DCC: variants seen among roughly 807,000 people sequenced by gnomAD.
DCC encodes the protein netrin receptor DCC.
Under a neutral mutation model 172.5 loss-of-function variants are expected in DCC, and 58 were observed. The observed-to-expected ratio is 0.34, with a 90% CI of 0.27 to 0.42. The LOEUF is 0.42. DCC is among the 10% of genes least tolerant of loss of function. DCC has a pLI of 1.00. For synonymous variants in DCC, 709 were observed against 644.5 expected, an observed-to-expected ratio of 1.10 and a Z score of -1.52; for missense variants, 1,740 against 1,791.0, an observed-to-expected ratio of 0.97 and a Z score of 0.51.
intron 7 of DCC, among the ~76,000 whole-genome samples, chr18:53,072,160 T>A (rs1267686674): frequency 1.3e-5 from 2 of 152,050 alleles, no homozygotes; most frequent in Admixed American, 6.6e-5. Flanking sequence ...ATGTGTTCTG[T>A]GTTACAAGAA....
chr18:52,569,339 T>C (rs2033239597), intron 1 of DCC, among the ~76,000 whole-genome samples: 1 of 152,190 alleles, frequency 6.6e-6, no homozygotes, highest in Non-Finnish European at 1.5e-5. Context: ...CCTTATAAAG[T>C]GAGCACAGTC....
Position 52,768,833 on chromosome 18 carries a change from T to C in DCC, c.412+16459T>C, listed in dbSNP as rs143856400. On this transcript the variant is annotated intron_variant, in intron 2 of 28. Coordinates refer to ENST00000442544, the MANE Select transcript of DCC (RefSeq NM_005215.4). ...CTTGAAATACCTACAGTTTAATCTC[T>C]GGAAGAATTAGTTTTTAGAAAGTTA... Among the ~76,000 whole-genome samples, 316 of 152,258 alleles carry C rather than the reference T, an allele frequency of 2.1e-3. No homozygotes were observed. The East Asian group carries it at 0.021, about 10-fold the overall frequency.
At chr18:52,755,489 G>A (rs1338958376) in intron 2 of DCC, among the ~76,000 whole-genome samples, 9 of 152,184 alleles carry the variant, frequency 5.9e-5, no homozygotes, top group Non-Finnish European at 1.2e-4. Flanking sequence ...ATCATTTCAA[G>A]GCAATAAGGC....
intron 5 of DCC, among the ~76,000 whole-genome samples, chr18:53,009,705 T>C (rs531779354): frequency 6.6e-6 from 1 of 152,064 alleles, no homozygotes; most frequent in African/African-American, 2.4e-5. Context: ...ATTTAGTGGT[T>C]GTGTTAAAAT....
At chr18:52,779,739 A>T (rs1793458094) in intron 2 of DCC, among the ~76,000 whole-genome samples, 1 of 152,224 alleles carries the variant, frequency 6.6e-6, no homozygotes, top group Non-Finnish European at 1.5e-5. Flanking sequence ...ACTGTCTTCC[A>T]CAATGGTTGA....
chr18:53,285,365 G>A (rs368317386), intron 12 of DCC, among the ~76,000 whole-genome samples: 27 of 152,290 alleles, frequency 1.8e-4, no homozygotes, highest in South Asian at 4.1e-4. Context: ...CACTCCAGCC[G>A]TGACTAAAAG....
intron 1 of DCC, among the ~76,000 whole-genome samples, chr18:52,498,242 T>C (rs1051069475): frequency 6.6e-6 from 1 of 152,190 alleles, no homozygotes; most frequent in Non-Finnish European, 1.5e-5. Flanking sequence ...ATCATTTTCT[T>C]GACCTTGACC....
Position 52,805,182 on chromosome 18 carries a change from A to T in DCC, c.412+52808A>T, listed in dbSNP as rs566607068. Among the ~76,000 whole-genome samples, 145 of 152,314 alleles carry T rather than the reference A, an allele frequency of 9.5e-4. 1 individual carries two copies. The highest frequency in any genetic ancestry group is 1.5e-3 in the Non-Finnish European group (102 of 68,020). On this transcript the variant is annotated intron_variant, in intron 2 of 28. Transcript: ENST00000442544. Reference sequence around the variant, plus strand: ...GTGCCCAGTGTGCAGGAGAGACTCAATGTATAATCTCTGGCTTTCCTTCTC... The same window carrying T: ...GTGCCCAGTGTGCAGGAGAGACTCATTGTATAATCTCTGGCTTTCCTTCTC...
intron 1 of DCC, among the ~76,000 whole-genome samples, chr18:52,383,468 A>G (rs1465900310): frequency 6.6e-6 from 1 of 151,994 alleles, no homozygotes; most frequent in Non-Finnish European, 1.5e-5. Flanking sequence ...GTATCTTATT[A>G]TTTATCTCAT....
intron 2 of DCC, among the ~76,000 whole-genome samples, chr18:52,860,351 T>C (rs2039121446): frequency 6.6e-6 from 1 of 152,200 alleles, no homozygotes; most frequent in African/African-American, 2.4e-5. Flanking sequence ...TGTGCAGAGC[T>C]TCAAGAAAAG....
At chr18:52,514,718 A>T (rs886470344) in intron 1 of DCC, among the ~76,000 whole-genome samples, 1 of 152,232 alleles carries the variant, frequency 6.6e-6, no homozygotes, top group Non-Finnish European at 1.5e-5. Flanking sequence ...TAAGAATAGA[A>T]ATACAAATGT....
intron 2 of DCC, among the ~76,000 whole-genome samples, chr18:52,805,452 C>A (rs2038068098): frequency 6.6e-6 from 1 of 151,664 alleles, no homozygotes; most frequent in Non-Finnish European, 1.5e-5. Context: ...GTTTTGCTCA[C>A]AAAAAGGAAG....
chr18:52,475,734 G>A (rs557930767), intron 1 of DCC, among the ~76,000 whole-genome samples: 25 of 152,246 alleles, frequency 1.6e-4, no homozygotes, highest in African/African-American at 5.8e-4. Context: ...CCAATATTAA[G>A]GACAGGCATG....
chr18:52,765,918 T>C (rs543103508), intron 2 of DCC, among the ~76,000 whole-genome samples: 2 of 152,310 alleles, frequency 1.3e-5, no homozygotes, highest in African/African-American at 4.8e-5. Flanking sequence ...TCTATGCTTA[T>C]TGTGAAGATT....
At chr18:52,944,761 A>G (rs1469024949) in intron 5 of DCC, among the ~76,000 whole-genome samples, 2 of 152,232 alleles carry the variant, frequency 1.3e-5, no homozygotes, top group African/African-American at 4.8e-5. Flanking sequence ...ATTCTGATAC[A>G]GGAGAACCAC....
intron 23 of DCC, among the ~76,000 whole-genome samples, chr18:53,456,819 G>C (rs968954378): frequency 6.6e-6 from 1 of 152,164 alleles, no homozygotes; most frequent in African/African-American, 2.4e-5. Flanking sequence ...AGCAGCAGTC[G>C]TGTCAAGAAC....
intron 15 of DCC, among the ~76,000 whole-genome samples, chr18:53,377,416 A>G (rs1245403128): frequency 6.6e-6 from 1 of 151,486 alleles, no homozygotes; most frequent in Non-Finnish European, 1.5e-5. Context: ...ATCCTTTTCA[A>G]CAGGAACCCA....
At chr18:52,706,586 T>C (rs2036215755) in intron 1 of DCC, among the ~76,000 whole-genome samples, 1 of 152,178 alleles carries the variant, frequency 6.6e-6, no homozygotes, top group African/African-American at 2.4e-5. Flanking sequence ...AGCAGAGCAT[T>C]TGTTACCAAG....
At chr18:52,992,543 C>T (rs751072866) in intron 5 of DCC, among the ~76,000 whole-genome samples, 25 of 152,152 alleles carry the variant, frequency 1.6e-4, no homozygotes, top group Non-Finnish European at 3.4e-4. Context: ...AGACTGAGAG[C>T]TTATCTTTCC....
Sources: gnomAD v4.1 joint callset for allele counts (sites outside exome capture counted in the v4.1 genomes callset) on GRCh38, gnomAD v4.1.1 for gene constraint, MANE v1.5 for transcripts, NCBI Gene and HGNC (gene_info 2026-07-23, HGNC 2026-07-21) for gene names.